PDE1C: variants seen among roughly 807,000 people sequenced by gnomAD.
PDE1C encodes phosphodiesterase 1C.
In PDE1C, 62 loss-of-function variants were observed where a neutral mutation model predicts 93.1. That is an observed-to-expected ratio of 0.67 (90% CI 0.54 to 0.82). The LOEUF (loss-of-function observed/expected upper bound fraction) is 0.82, where lower values mean the gene tolerates loss of function less well. Among genes scored for constraint, PDE1C ranks in the 40% least tolerant of loss-of-function variants. The pLI is 0.00. For synonymous variants in PDE1C, 325 were observed against 310.1 expected (o/e 1.05, Z -0.50); for missense variants, 742 against 884.6 (o/e 0.84, Z 2.04).
At chr7:32,249,921 TA>T (rs1447923486) in intron 1 of PDE1C, among the ~76,000 whole-genome samples, 2 of 152,206 alleles carry the variant, frequency 1.3e-5, no homozygotes, top group African/African-American at 4.8e-5. Flanking sequence ...GAGTATCAAA[TA>T]AAGAATATAA....
At chr7:32,070,050 T>G in intron 1 of PDE1C, among the ~76,000 whole-genome samples, 1 of 152,024 alleles carries the variant, frequency 6.6e-6, no homozygotes, top group Non-Finnish European at 1.5e-5. Context: ...AAAGGACATC[T>G]CTCCTTCCCC....
chr7:32,117,585 A>T (rs575641141), intron 3 of PDE1C, among the ~76,000 whole-genome samples: 1 of 152,318 alleles, frequency 6.6e-6, no homozygotes, highest in East Asian at 1.9e-4. Context: ...TTTACCACAA[A>T]TGTGGACACA....
intron 1 of PDE1C, among the ~76,000 whole-genome samples, chr7:32,422,804 G>A (rs186393844): frequency 6.6e-6 from 1 of 152,136 alleles, no homozygotes; most frequent in African/African-American, 2.4e-5. Flanking sequence ...CACTGGTAAA[G>A]GATCATAAGT....
At chr7:32,171,437 C>T (rs559561099) in intron 2 of PDE1C, among the ~76,000 whole-genome samples, 4 of 150,702 alleles carry the variant, frequency 2.7e-5, no homozygotes, top group African/African-American at 7.3e-5. Flanking sequence ...CATGCACAGA[C>T]TTTTTTTGTC....
At chr7:32,045,201 C>A (rs1418166631) in intron 2 of PDE1C, among the ~76,000 whole-genome samples, 1 of 151,886 alleles carries the variant, frequency 6.6e-6, no homozygotes, top group Non-Finnish European at 1.5e-5. Context: ...CACTCCCCTT[C>A]CCCCACCCCC....
In PDE1C at chr7:31,751,737, T is replaced by C. The variant is rs1794148261; in HGVS notation, c.*1647A>G. ...ATAGCAATTAAATTTCTCTGAAGTA[T>C]CATCATAAAGCACATTATAAATAAA... On this transcript the variant is annotated 3_prime_UTR_variant, in exon 18 of 18. Coordinates refer to ENST00000396191, the MANE Select transcript of PDE1C (RefSeq NM_001191057.4). 3 of 152,204 alleles carry C rather than the reference T, an allele frequency of 2.0e-5. No homozygotes were observed. The allele number at this position is 152,204 out of a possible 1,614,324, so 9.4% of individuals were successfully genotyped here. A position where few individuals can be genotyped will look rare whatever the true frequency, so the allele number is the denominator to read the frequency against.
At chr7:31,653,861 T>C in the PDE1C span, among the ~76,000 whole-genome samples, 1 of 152,150 alleles carries the variant, frequency 6.6e-6, no homozygotes, top group Non-Finnish European at 1.5e-5. Context: ...CAGACAGCCC[T>C]GGTTGAGGAA....
chr7:31,652,632 G>A, the PDE1C span: 2 of 1,613,806 alleles, frequency 1.2e-6, no homozygotes, highest in South Asian at 2.2e-5. Flanking sequence ...CCCAGGCATG[G>A]CCCCGAGGAC....
chr7:32,239,597 G>A (rs776828606), intron 1 of PDE1C, among the ~76,000 whole-genome samples: 5 of 152,152 alleles, frequency 3.3e-5, no homozygotes, highest in Non-Finnish European at 5.9e-5. Context: ...TGGATAATAA[G>A]CTTTTTTAAA....
At chr7:31,703,597 C>T in the PDE1C span, among the ~76,000 whole-genome samples, 22 of 152,262 alleles carry the variant, frequency 1.4e-4, no homozygotes, top group South Asian at 2.9e-3. Context: ...ATTTTTGAAG[C>T]GCCTTTTAGT....
intron 2 of PDE1C, among the ~76,000 whole-genome samples, chr7:32,002,172 C>T (rs1299048079): frequency 6.6e-6 from 1 of 152,192 alleles, no homozygotes; most frequent in African/African-American, 2.4e-5. Context: ...AGGTCAACAA[C>T]ACTATTTCAT....
chr7:31,877,254 C>T (rs1796710117), intron 5 of PDE1C, among the ~76,000 whole-genome samples: 1 of 152,146 alleles, frequency 6.6e-6, no homozygotes, highest in Non-Finnish European at 1.5e-5. Context: ...AGACCAATGC[C>T]TTCAGGAATG....
At chr7:32,049,301 T>A (rs994812125) in intron 2 of PDE1C, among the ~76,000 whole-genome samples, 8 of 152,216 alleles carry the variant, frequency 5.3e-5, no homozygotes. Flanking sequence ...TTAGTTCATT[T>A]TCCTCTCAAT....
chr7:31,736,414 A>G, the PDE1C span, among the ~76,000 whole-genome samples: 1 of 152,190 alleles, frequency 6.6e-6, no homozygotes, highest in African/African-American at 2.4e-5. Context: ...GTTCACTCCT[A>G]CTGGATCCAC....
intron 2 of PDE1C, among the ~76,000 whole-genome samples, chr7:31,965,078 C>G (rs1458155761): frequency 1.2e-4 from 18 of 152,212 alleles, no homozygotes; most frequent in Admixed American, 1.2e-3. Flanking sequence ...AACGCAGCTC[C>G]TCACCAGCAA....
At chr7:32,076,347 A>G (rs574650879), upstream of PDE1C, among the ~76,000 whole-genome samples, 11 of 152,286 alleles carry the variant, frequency 7.2e-5, no homozygotes, top group African/African-American at 2.4e-4. Context: ...TATACCAGAA[A>G]AATGACATCA....
At chr7:32,082,237 C>G (rs886416131) in intron 3 of PDE1C, among the ~76,000 whole-genome samples, 2 of 152,264 alleles carry the variant, frequency 1.3e-5, no homozygotes, top group East Asian at 3.9e-4. Flanking sequence ...GAGGGTCCTA[C>G]GCCCACGGAG....
intron 1 of PDE1C, among the ~76,000 whole-genome samples, chr7:32,357,497 C>A (rs1436217635): frequency 2.6e-5 from 4 of 152,152 alleles, no homozygotes; most frequent in African/African-American, 9.7e-5. Flanking sequence ...CAGAATGGAA[C>A]CATTTTAACA....
At chr7:31,623,461 A>G in the PDE1C span, among the ~76,000 whole-genome samples, 1 of 151,916 alleles carries the variant, frequency 6.6e-6, no homozygotes, top group Admixed American at 6.6e-5. Context: ...TACGCAAATC[A>G]ATAAATGTAA....
Sources: gnomAD v4.1 joint callset for allele counts (sites outside exome capture counted in the v4.1 genomes callset) on GRCh38, gnomAD v4.1.1 for gene constraint, MANE v1.5 for transcripts, NCBI Gene and HGNC (gene_info 2026-07-23, HGNC 2026-07-21) for gene names.